The following EYS variants were observed in gnomAD, a reference collection of about 807,000 sequenced individuals.
EYS encodes the protein EGF-like photoreceptor maintenance factor.
A neutral mutation model predicts 282.1 loss-of-function variants in EYS; 250 were observed. The observed-to-expected ratio is 0.89, with a 90% CI of 0.80 to 0.98. The LOEUF is 0.98. EYS is among the 50% of genes least tolerant of loss of function. The probability of loss-of-function intolerance (pLI) is 0.00; values close to 1 mark genes in which losing one functional copy is unlikely to be tolerated. For synonymous variants in EYS, 1,355 were observed against 1,282.9 expected (o/e 1.06, Z -1.20); for missense variants, 4,016 against 3,709.0 (o/e 1.08, Z -2.15).
At chr6:65,591,579 T>G (rs888203362) in intron 2 of EYS, among the ~76,000 whole-genome samples, 9 of 151,972 alleles carry the variant, frequency 5.9e-5, no homozygotes, top group Non-Finnish European at 1.3e-4. Context: ...TGACTCACTT[T>G]TTGAAGCTCC....
At chr6:63,826,190 A>G (rs989778623) in intron 36 of EYS, among the ~76,000 whole-genome samples, 2 of 152,168 alleles carry the variant, frequency 1.3e-5, no homozygotes, top group Non-Finnish European at 2.9e-5. Flanking sequence ...CAATCCAACA[A>G]AGACAAAAAA....
intron 2 of EYS, among the ~76,000 whole-genome samples, chr6:65,506,931 T>C (rs1341300091): frequency 6.6e-6 from 1 of 152,192 alleles, no homozygotes; most frequent in East Asian, 1.9e-4. Flanking sequence ...AATCACCCAA[T>C]ATATGGTTAT....
intron 5 of EYS, among the ~76,000 whole-genome samples, chr6:65,411,614 A>T (rs974882143): frequency 4.6e-5 from 7 of 152,052 alleles, no homozygotes; most frequent in Admixed American, 1.3e-4. Flanking sequence ...CTACCCCGTT[A>T]TAATCTTACC....
At chr6:65,573,428 A>G (rs545965928) in intron 2 of EYS, among the ~76,000 whole-genome samples, 1 of 152,156 alleles carries the variant, frequency 6.6e-6, no homozygotes, top group Non-Finnish European at 1.5e-5. Flanking sequence ...ATCAATAGCT[A>G]TCCTGGCTGA....
At chr6:64,884,496 ACT>A (rs1767023747) in intron 19 of EYS, among the ~76,000 whole-genome samples, 1 of 151,348 alleles carries the variant, frequency 6.6e-6, no homozygotes, top group Admixed American at 6.6e-5. Context: ...CAGTGTCATG[ACT>A]CTCTTGAAAT....
At chr6:65,134,858 C>T (rs528229807) in intron 12 of EYS, among the ~76,000 whole-genome samples, 4 of 151,996 alleles carry the variant, frequency 2.6e-5, no homozygotes, top group African/African-American at 9.6e-5. Flanking sequence ...TATTTTGGGT[C>T]AGGGATTATA....
chr6:64,521,502 G>A (rs1216594700), intron 26 of EYS, among the ~76,000 whole-genome samples: 1 of 151,640 alleles, frequency 6.6e-6, no homozygotes, highest in Non-Finnish European at 1.5e-5. Context: ...TACTAAAGTG[G>A]ATGATTCAAG....
chr6:65,165,359 T>C (rs1294532206), intron 12 of EYS, among the ~76,000 whole-genome samples: 2 of 150,932 alleles, frequency 1.3e-5, no homozygotes, highest in Non-Finnish European at 3.0e-5. Context: ...GCTCAAACAA[T>C]ATACTTTAAA....
At chr6:64,635,820 G>A (rs990621289) in intron 22 of EYS, among the ~76,000 whole-genome samples, 8 of 152,140 alleles carry the variant, frequency 5.3e-5, no homozygotes, top group Non-Finnish European at 1.2e-4. Context: ...TTTGGTATCA[G>A]GATGATGCTG....
chr6:64,332,409 A>T lies in EYS; in HGVS notation c.6079-25327T>A, dbSNP rs183154371. ...TACCTGTTAGTCTCACAGATGCAGT[A>T]TATCCCTTCCAACCTGGAGACTCTG... is the stretch of plus-strand genomic sequence containing the variant. On this transcript the variant is annotated intron_variant, in intron 29 of 42. Transcript: ENST00000503581. Among the ~76,000 whole-genome samples the T allele has an allele frequency of 2.9e-3, 449 of 152,342 alleles. 2 individuals are homozygous for T. The highest frequency in any genetic ancestry group is 5.4e-3 in the Non-Finnish European group (370 of 68,020).
At chr6:65,503,266 T>C (rs1186787070) in intron 2 of EYS, among the ~76,000 whole-genome samples, 2 of 151,648 alleles carry the variant, frequency 1.3e-5, no homozygotes, top group Non-Finnish European at 3.0e-5. Flanking sequence ...CTGTATATTT[T>C]GGGGGTTGAA....
At chr6:65,646,911 C>A (rs115460359) in intron 1 of EYS, among the ~76,000 whole-genome samples, 3,156 of 151,958 alleles carry the variant, frequency 0.021, 44 homozygotes, top group Non-Finnish European at 0.035. Context: ...ACCACTTTTA[C>A]AATAACAGCA....
chr6:64,401,927 C>A (rs1159628284), intron 28 of EYS, among the ~76,000 whole-genome samples: 1 of 151,998 alleles, frequency 6.6e-6, no homozygotes, highest in Non-Finnish European at 1.5e-5. Flanking sequence ...GAATTCAAGT[C>A]CCCATGTTTC....
chr6:64,532,819 A>T (rs1431026253), intron 26 of EYS, among the ~76,000 whole-genome samples: 1 of 152,184 alleles, frequency 6.6e-6, no homozygotes, highest in African/African-American at 2.4e-5. Context: ...ATAAAAAATT[A>T]TGAGTCTCTT....
chr6:64,716,442 G>A (rs1771396781), intron 22 of EYS, among the ~76,000 whole-genome samples: 1 of 152,144 alleles, frequency 6.6e-6, no homozygotes, highest in Admixed American at 6.5e-5. Context: ...TATCAACATT[G>A]GTACACTCCT....
intron 33 of EYS, among the ~76,000 whole-genome samples, chr6:64,046,159 C>A (rs1388785673): frequency 6.7e-6 from 1 of 149,482 alleles, no homozygotes; most frequent in Non-Finnish European, 1.5e-5. Context: ...ATATAAAATA[C>A]ATATGTAATA....
chr6:63,982,603 T>A (rs531561825), intron 35 of EYS, among the ~76,000 whole-genome samples: 5 of 151,896 alleles, frequency 3.3e-5, no homozygotes, highest in Admixed American at 2.0e-4. Flanking sequence ...AGAGATAATC[T>A]CTTTGTAATA....
At chr6:64,706,278 G>C (rs115433706) in intron 22 of EYS, among the ~76,000 whole-genome samples, 1 of 152,082 alleles carries the variant, frequency 6.6e-6, no homozygotes, top group African/African-American at 2.4e-5. Flanking sequence ...ACGTAGATGC[G>C]TGAAACTGGA....
At chr6:63,891,505 A>C (rs1330968397) in intron 35 of EYS, among the ~76,000 whole-genome samples, 1 of 152,230 alleles carries the variant, frequency 6.6e-6, no homozygotes, top group Admixed American at 6.5e-5. Context: ...ATCTCAATAG[A>C]TGCAGAAAAG....
Sources: gnomAD v4.1 joint callset for allele counts (sites outside exome capture counted in the v4.1 genomes callset) on GRCh38, gnomAD v4.1.1 for gene constraint, MANE v1.5 for transcripts, NCBI Gene and HGNC (gene_info 2026-07-23, HGNC 2026-07-21) for gene names.